PTBP3: variants seen among roughly 807,000 people sequenced by gnomAD.
PTBP3 encodes polypyrimidine tract binding protein 3.
In PTBP3, 20 loss-of-function variants were observed where a neutral mutation model predicts 58.7. That is an observed-to-expected ratio of 0.34 (90% CI 0.24 to 0.50). PTBP3 has a LOEUF of 0.50. Among genes scored for constraint, PTBP3 ranks in the 20% least tolerant of loss-of-function variants. PTBP3 has a pLI of 0.98. For missense variants in PTBP3, 509 were observed against 637.2 expected (o/e 0.80, Z 2.17); for synonymous variants, 185 against 219.8 (o/e 0.84, Z 1.40).
At chr9:112,273,450 CTGTA>C (rs1481944713) in intron 3 of PTBP3, among the ~76,000 whole-genome samples, 4 of 152,156 alleles carry the variant, frequency 2.6e-5, no homozygotes, top group Non-Finnish European at 5.9e-5. Flanking sequence ...ATAATATTCA[CTGTA>C]TGGGCATATT....
chr9:112,320,880 A>G (rs995805659), intron 1 of PTBP3, among the ~76,000 whole-genome samples: 7 of 152,224 alleles, frequency 4.6e-5, no homozygotes, highest in African/African-American at 1.4e-4. Context: ...TACATCTGAG[A>G]CCTAAACCAT....
intron 5 of PTBP3, among the ~76,000 whole-genome samples, chr9:112,254,015 A>C (rs935166866): frequency 6.6e-6 from 1 of 152,204 alleles, no homozygotes; most frequent in Non-Finnish European, 1.5e-5. Flanking sequence ...AGTATTCCCT[A>C]TGCTGGTAAG....
At position 112,220,090 on chromosome 9, in the gene PTBP3, C is replaced by A; in HGVS notation, c.*3761G>T. On this transcript the variant is annotated 3_prime_UTR_variant, in exon 14 of 14. Coordinates refer to ENST00000374257, the MANE Select transcript of PTBP3 (RefSeq NM_001163788.4). ...AAGAAAAATGCTTTACGCATCGTCA[C>A]GCTGTCTCTTTTTGGTTTTAAAAAT... The A allele has an allele frequency of 1.6e-6, 2 of 1,215,872 alleles. No homozygotes were observed. The highest frequency in any genetic ancestry group is 2.1e-6 in the Non-Finnish European group (2 of 951,948). The allele number at this position is 1,215,872 out of a possible 1,614,324, so 75.3% of individuals were successfully genotyped here.
intron 4 of PTBP3, among the ~76,000 whole-genome samples, chr9:112,265,320 T>C (rs981450342): frequency 1.3e-5 from 2 of 150,934 alleles, no homozygotes; most frequent in Admixed American, 6.6e-5. Context: ...CTGGCCACCA[T>C]GGAAAAACCC....
rs773088466 is a variant in PTBP3 at position 112,268,145 on chromosome 9, A to G, written c.255T>C (p.Tyr85=). The G allele has an allele frequency of 4.3e-6, 7 of 1,613,486 alleles. No homozygotes were observed. The East Asian group carries it at 1.3e-4, about 31-fold the overall frequency. Residue 85 remains tyrosine, a synonymous_variant, in exon 4 of 14, where the codon TAT becomes TAC. Transcript: ENST00000374257. ...SEEAAVTMVN[Y]YTPITPHLRS... is the part of the protein sequence containing the mutation. ...GAAGGTGAGGAGTAATAGGAGTGTA[A>G]TAATTCACCATAGTAACGGCAGCTT... is the stretch of plus-strand genomic sequence containing the variant.
chr9:112,311,575 C>T (rs1829474943), intron 1 of PTBP3, among the ~76,000 whole-genome samples: 1 of 152,080 alleles, frequency 6.6e-6, no homozygotes, highest in African/African-American at 2.4e-5. Flanking sequence ...GCAGACTTCA[C>T]CTATACAGAG....
chr9:112,333,563 G>C lies in PTBP3; in HGVS notation c.-145C>G, dbSNP rs1830477976. ...AGGCGGCGGCAGCAGGGCGGTTCCG[G>C]GGACAAGCGAGCTTTGGCTCTGCGG... On this transcript the variant is annotated 5_prime_UTR_variant, in exon 1 of 14. Coordinates refer to ENST00000374257, the MANE Select transcript of PTBP3 (RefSeq NM_001163788.4). 1 of 1,500,348 alleles carries C rather than the reference G, an allele frequency of 6.7e-7. No homozygotes were observed. Among genetic ancestry groups the C allele is most frequent in the Non-Finnish European group, 9.1e-7 (1 of 1,097,520 alleles). 92.9% of individuals were successfully genotyped at this position (1,500,348 alleles called of 1,614,324 possible).
chr9:112,342,729 A>AAGAAGAAGAAGAAGAAGAAG, the PTBP3 span, among the ~76,000 whole-genome samples: 4 of 150,850 alleles, frequency 2.7e-5, no homozygotes, highest in Non-Finnish European at 1.5e-5. Flanking sequence ...AAAGAAAAAC[A>AAGAAGAAGAAGAAGAAGAAG]AAGAAGAAGA....
At chr9:112,332,811 G>C (rs1179622553) in intron 1 of PTBP3, 1 of 1,612,372 alleles carries the variant, frequency 6.2e-7, no homozygotes, top group African/African-American at 1.3e-5. Context: ...TAAGTTTCTT[G>C]GGGAGAGAGA....
At chr9:112,244,652 T>C (rs1200340326) in intron 7 of PTBP3, among the ~76,000 whole-genome samples, 2 of 152,014 alleles carry the variant, frequency 1.3e-5, no homozygotes, top group Non-Finnish European at 2.9e-5. Flanking sequence ...CACTTCAGCC[T>C]AGGCGACTGA....
rs1260010370 is a variant in PTBP3, at chr9:112,256,272, A to AATATATATACAT, written c.517-3485_517-3484insATGTATATATAT. Among the ~76,000 whole-genome samples the AATATATATACAT allele has an allele frequency of 5.9e-3, 490 of 82,548 alleles. 4 individuals are homozygous for AATATATATACAT. The highest frequency in any genetic ancestry group is 0.016 in the African/African-American group (194 of 11,782). 54.2% of individuals were successfully genotyped at this position (82,548 alleles called of 152,430 possible). A position where few individuals can be genotyped will look rare whatever the true frequency, so the allele number is the denominator to read the frequency against. ...TCCGTCTCAAAAAAAAAAAAAACAA[A>AATATATATACAT]ATATATATATATATATATATACATA... On this transcript the variant is annotated intron_variant, in intron 5 of 13. Transcript: ENST00000374257.
chr9:112,309,114 T>C (rs1426678958), intron 1 of PTBP3, among the ~76,000 whole-genome samples: 8 of 152,184 alleles, frequency 5.3e-5, no homozygotes, highest in Admixed American at 2.0e-4. Context: ...CAAGAAAAGA[T>C]ATTTGTTTTA....
rs1245607653 is a variant in PTBP3, at chr9:112,223,927, G to C, written c.1499C>G (p.Ala500Gly). Residue 500 changes from alanine (A) to glycine (G), a missense_variant, in exon 14 of 14, where the codon GCC (alanine) becomes GGC (glycine). Physicochemically the swap from Ala to Gly is moderately conservative, Grantham distance 60. Transcript: ENST00000374257. Reference sequence around the variant, plus strand: ...GTCATGGTTATGAAGCTCAATGAGGGCCTGAATTGCTTCTTCCACAGATCC... The same window carrying C: ...GTCATGGTTATGAAGCTCAATGAGGCCCTGAATTGCTTCTTCCACAGATCC... ...QLGSVEEAIQ[A>G]LIELHNHDLG... 6.2e-7 allele frequency: 1 copy of C among 1,613,596 alleles called. No individual in the cohort carries two copies. The highest frequency in any genetic ancestry group is 8.5e-7 in the Non-Finnish European group (1 of 1,179,816).
Position 112,220,619 on chromosome 9 carries a change from G to A in PTBP3, c.*3232C>T. Reference sequence around the variant, plus strand: ...AATATTTAGTCTTAAAGAATTTATGGCATTCTGTAAGAGCTGCTGGGTAAT... The same window carrying A: ...AATATTTAGTCTTAAAGAATTTATGACATTCTGTAAGAGCTGCTGGGTAAT... On this transcript the variant is annotated 3_prime_UTR_variant, in exon 14 of 14. Transcript: ENST00000374257. 5 of 993,558 alleles carry A rather than the reference G, an allele frequency of 5.0e-6. No homozygotes were observed. Among genetic ancestry groups the A allele is most frequent in the Non-Finnish European group, 6.0e-6 (5 of 834,358 alleles). 61.5% of individuals were successfully genotyped at this position (993,558 alleles called of 1,614,324 possible).
chr9:112,292,540 A>G (rs759998028), intron 2 of PTBP3, among the ~76,000 whole-genome samples: 3 of 152,252 alleles, frequency 2.0e-5, no homozygotes, highest in Non-Finnish European at 2.9e-5. Flanking sequence ...CTAAATGCCC[A>G]TGGACAGATG....
At chr9:112,228,706 C>G (rs900308043) in intron 10 of PTBP3, among the ~76,000 whole-genome samples, 6 of 152,162 alleles carry the variant, frequency 3.9e-5, no homozygotes, top group African/African-American at 1.4e-4. Context: ...TTCATCCCCC[C>G]TTTCCTCTCC....
chr9:112,269,659 T>C (rs1047618434), intron 3 of PTBP3, among the ~76,000 whole-genome samples: 1 of 152,200 alleles, frequency 6.6e-6, no homozygotes, highest in Non-Finnish European at 1.5e-5. Flanking sequence ...TCTTTGTAGC[T>C]CTAACATGAG....
chr9:112,339,034 T>C, the PTBP3 span, among the ~76,000 whole-genome samples: 1 of 152,144 alleles, frequency 6.6e-6, no homozygotes, highest in African/African-American at 2.4e-5. Flanking sequence ...GGTTCCAGTG[T>C]CTCCCAGAAT....
chr9:112,234,666 T>C (rs1020998156), intron 8 of PTBP3, among the ~76,000 whole-genome samples, 154 bp downstream of exon 8: 6 of 152,228 alleles, frequency 3.9e-5, no homozygotes, highest in Non-Finnish European at 7.4e-5. Flanking sequence ...ACAAGGAAGC[T>C]ATATATCATA....
Sources: allele counts gnomAD v4.1 joint callset (sites outside exome capture counted in the v4.1 genomes callset), GRCh38; gene constraint gnomAD v4.1.1; transcripts MANE v1.5; gene names NCBI Gene and HGNC (gene_info 2026-07-23, HGNC 2026-07-21).